DGKB: variants seen among roughly 807,000 people sequenced by gnomAD.
The protein encoded by DGKB is diacylglycerol kinase beta.
Under a neutral mutation model 114.3 loss-of-function variants are expected in DGKB, and 67 were observed. That is an observed-to-expected ratio of 0.59 (90% confidence interval 0.48 to 0.72). The LOEUF (loss-of-function observed/expected upper bound fraction) is 0.72, where lower values mean the gene tolerates loss of function less well. DGKB is among the 30% of genes least tolerant of loss of function. The pLI, the probability that DGKB is intolerant of heterozygous loss-of-function variation, is 0.00. For synonymous variants in DGKB, 398 were observed against 323.1 expected, an observed-to-expected ratio of 1.23 and a Z score of -2.49; for missense variants, 907 against 975.2, an observed-to-expected ratio of 0.93 and a Z score of 0.93.
chr7:14,639,796 C>T (rs139309059), intron 13 of DGKB, among the ~76,000 whole-genome samples: 17 of 152,232 alleles, frequency 1.1e-4, no homozygotes, highest in African/African-American at 3.9e-4. Flanking sequence ...TTTCTCCCTC[C>T]ATAAATCACA....
chr7:14,198,995 C>T (rs977866676), intron 23 of DGKB, among the ~76,000 whole-genome samples: 1 of 152,016 alleles, frequency 6.6e-6, no homozygotes, highest in African/African-American at 2.4e-5. Flanking sequence ...TTTGATTTAG[C>T]TAAAGGGCAA....
chr7:14,479,710 A>T (rs1271138801), intron 20 of DGKB, among the ~76,000 whole-genome samples: 1 of 152,104 alleles, frequency 6.6e-6, no homozygotes, highest in Non-Finnish European at 1.5e-5. Context: ...TATACTTTAT[A>T]ATATGAAGTT....
chr7:14,722,631 G>T (rs957355993), intron 5 of DGKB, among the ~76,000 whole-genome samples: 3 of 152,022 alleles, frequency 2.0e-5, no homozygotes, highest in African/African-American at 7.2e-5. Context: ...GGCCAACATG[G>T]TGAAACCTCG....
At chr7:14,723,105 A>AG (rs11410341) in intron 5 of DGKB, among the ~76,000 whole-genome samples, 64,521 of 151,440 alleles carry the variant, frequency 0.43, 15,329 homozygotes, top group East Asian at 0.88. Flanking sequence ...ACTACCCTGA[A>AG]AAAAGTCCTT....
At chr7:14,543,263 G>A (rs1481494500) in intron 20 of DGKB, among the ~76,000 whole-genome samples, 1 of 151,884 alleles carries the variant, frequency 6.6e-6, no homozygotes, top group Non-Finnish European at 1.5e-5. Flanking sequence ...GGGCAACATG[G>A]CAAGACCCCA....
intron 2 of DGKB, among the ~76,000 whole-genome samples, chr7:14,794,551 G>A (rs1227256349): frequency 9.9e-5 from 15 of 152,118 alleles, no homozygotes; most frequent in Admixed American, 9.2e-4. Flanking sequence ...CAGCTCAAGT[G>A]CTGCATAAAT....
At chr7:14,682,295 C>G (rs1820972823) in intron 12 of DGKB, among the ~76,000 whole-genome samples, 2 of 152,064 alleles carry the variant, frequency 1.3e-5, no homozygotes. Context: ...ACCTCTAACA[C>G]TCCATGGAAC....
At chr7:14,759,574 A>T (rs1835390632) in intron 2 of DGKB, among the ~76,000 whole-genome samples, 1 of 152,150 alleles carries the variant, frequency 6.6e-6, no homozygotes, top group Admixed American at 6.6e-5. Context: ...CCATGTTATA[A>T]CATGTATCAG....
At chr7:14,874,187 C>G (rs752353683) in intron 1 of DGKB, among the ~76,000 whole-genome samples, 2 of 152,030 alleles carry the variant, frequency 1.3e-5, no homozygotes, top group Non-Finnish European at 2.9e-5. Flanking sequence ...TTTTAAAATA[C>G]GTACAAATTC....
chr7:14,851,456 A>G (rs965966995), intron 1 of DGKB, among the ~76,000 whole-genome samples: 17 of 152,182 alleles, frequency 1.1e-4, no homozygotes, highest in African/African-American at 4.1e-4. Flanking sequence ...GAAAATAAAG[A>G]TAGATTCTAT....
At chr7:14,243,660 C>T (rs1487436918) in intron 23 of DGKB, among the ~76,000 whole-genome samples, 1 of 152,104 alleles carries the variant, frequency 6.6e-6, no homozygotes, top group Non-Finnish European at 1.5e-5. Context: ...TGGATTATCT[C>T]CTTAACCCAC....
intron 21 of DGKB, among the ~76,000 whole-genome samples, chr7:14,385,508 G>A (rs1304580386): frequency 6.6e-6 from 1 of 152,164 alleles, no homozygotes; most frequent in Non-Finnish European, 1.5e-5. Flanking sequence ...GGTCCTCAGA[G>A]TGAAAAATAA....
At chr7:14,719,586 G>A (rs1828807320) in intron 5 of DGKB, among the ~76,000 whole-genome samples, 1 of 151,812 alleles carries the variant, frequency 6.6e-6, no homozygotes, top group South Asian at 2.1e-4. Context: ...TCAACCAGGA[G>A]CTACTGTAAG....
chr7:14,800,661 G>T (rs2128047427), intron 2 of DGKB, among the ~76,000 whole-genome samples: 1 of 152,240 alleles, frequency 6.6e-6, no homozygotes, highest in Admixed American at 6.5e-5. Context: ...CTTGTCTAGA[G>T]GTTTGGTTCT....
chr7:14,340,991 T>A (rs1340639980), intron 22 of DGKB, among the ~76,000 whole-genome samples: 1 of 151,330 alleles, frequency 6.6e-6, no homozygotes, highest in Non-Finnish European at 1.5e-5. Flanking sequence ...AGGCTTCTTT[T>A]TTTTTTAAAA....
chr7:14,207,474 C>G (rs1459434524), intron 23 of DGKB, among the ~76,000 whole-genome samples: 2 of 151,938 alleles, frequency 1.3e-5, no homozygotes, highest in African/African-American at 4.8e-5. Flanking sequence ...TGCCCAGCTT[C>G]TCTGTGGTGA....
intron 21 of DGKB, among the ~76,000 whole-genome samples, chr7:14,439,426 A>G (rs985166445): frequency 3.9e-5 from 6 of 152,132 alleles, no homozygotes; most frequent in Admixed American, 6.5e-5. Context: ...ATGAAATGAA[A>G]TGCCACAAAT....
chr7:14,586,277 G>C (rs1014667981), intron 17 of DGKB, among the ~76,000 whole-genome samples: 1 of 152,170 alleles, frequency 6.6e-6, no homozygotes, highest in East Asian at 1.9e-4. Context: ...ATGTTTTAGT[G>C]GTCTAGACAG....
intron 4 of DGKB, among the ~76,000 whole-genome samples, chr7:14,753,557 C>CAATTTTAA (rs1454022322): frequency 6.6e-6 from 1 of 152,064 alleles, no homozygotes; most frequent in Non-Finnish European, 1.5e-5. Context: ...ATTTTAAATG[C>CAATTTTAA]AATTTTAAAA....
Sources: gnomAD v4.1 joint callset for allele counts (sites outside exome capture counted in the v4.1 genomes callset) on GRCh38, gnomAD v4.1.1 for gene constraint, MANE v1.5 for transcripts, NCBI Gene and HGNC (gene_info 2026-07-23, HGNC 2026-07-21) for gene names.